The following AKR1D1 variants were observed in gnomAD, a reference collection of about 807,000 sequenced individuals.
AKR1D1 encodes delta(4)-3-ketosteroid 5-beta-reductase.
Under a neutral mutation model 42.6 loss-of-function variants are expected in AKR1D1, and 32 were observed. That is an observed-to-expected ratio of 0.75 (90% CI 0.57 to 1.01). AKR1D1 has a LOEUF of 1.01. Ranked by LOEUF, AKR1D1 falls within the 50% of genes least tolerant of loss-of-function variation. The probability of loss-of-function intolerance (pLI) is 0.00; values close to 1 mark genes in which losing one functional copy is unlikely to be tolerated. For synonymous variants in AKR1D1, 123 were observed against 135.5 expected, an observed-to-expected ratio of 0.91 and a Z score of 0.64; for missense variants, 364 against 402.2, an observed-to-expected ratio of 0.91 and a Z score of 0.81.
chr7:138,087,893 C>CTTTTT (rs757196207), intron 1 of AKR1D1, among the ~76,000 whole-genome samples: 4 of 137,722 alleles, frequency 2.9e-5, no homozygotes, highest in Non-Finnish European at 4.7e-5. Context: ...CATTTCTTTT[C>CTTTTT]TTTTTTTTTT....
intron 1 of AKR1D1, among the ~76,000 whole-genome samples, chr7:138,077,472 A>T (rs1802965906): frequency 6.6e-6 from 1 of 152,156 alleles, no homozygotes; most frequent in African/African-American, 2.4e-5. Flanking sequence ...CTCCCACAAC[A>T]TGTGGGGATA....
At chr7:138,098,061 C>A in intron 4 of AKR1D1, 118 bp downstream of exon 4, 2 of 824,922 alleles carry the variant, frequency 2.4e-6, no homozygotes, top group South Asian at 2.7e-5. Context: ...AAGTAACAGT[C>A]AGAACAGGCA....
At chr7:138,085,418 G>A (rs939586685) in intron 1 of AKR1D1, among the ~76,000 whole-genome samples, 3 of 148,774 alleles carry the variant, frequency 2.0e-5, no homozygotes, top group African/African-American at 7.4e-5. Flanking sequence ...CCTTGCCTTT[G>A]CCACTTTCTT....
chr7:138,114,172 G>C (rs1794588314), intron 8 of AKR1D1, among the ~76,000 whole-genome samples: 1 of 152,244 alleles, frequency 6.6e-6, no homozygotes, highest in Admixed American at 6.5e-5. Flanking sequence ...CTAAGGGAGA[G>C]GCATGATGAT....
chr7:138,106,490 G>A (rs1794435500), intron 5 of AKR1D1, 118 bp from the exon 6 acceptor site: 1 of 764,962 alleles, frequency 1.3e-6, no homozygotes, highest in Admixed American at 2.0e-5. Flanking sequence ...AATGTATATA[G>A]TATGAAGGAG....
At chr7:138,113,120 C>A (rs1431270222) in intron 7 of AKR1D1, among the ~76,000 whole-genome samples, 1 of 152,028 alleles carries the variant, frequency 6.6e-6, no homozygotes, top group Non-Finnish European at 1.5e-5. Context: ...AGTTTGAGAC[C>A]AGCCTGGGCA....
At chr7:138,082,543 T>G (rs1803079985) in intron 1 of AKR1D1, among the ~76,000 whole-genome samples, 3 of 151,978 alleles carry the variant, frequency 2.0e-5, no homozygotes, top group Non-Finnish European at 4.4e-5. Context: ...GGATAATTTT[T>G]TAATTTTTGT....
At position 138,117,407 on chromosome 7, in the gene AKR1D1, T is replaced by C. The variant is rs1794655441; in HGVS notation, c.*745T>C. ...GCCTACATTGATTATAGAACCACTA[T>C]TACGTGAAAAGGCTTGAAACAACCA... On this transcript the variant is annotated 3_prime_UTR_variant, in exon 9 of 9. Transcript: ENST00000242375. The C allele has an allele frequency of 6.6e-6, 1 of 152,584 alleles. No individual in the cohort carries two copies. The highest frequency in any genetic ancestry group is 2.4e-5 in the African/African-American group (1 of 41,446). The allele number at this position is 152,584 out of a possible 1,614,324, so 9.5% of individuals were successfully genotyped here. A position where few individuals can be genotyped will look rare whatever the true frequency, so the allele number is the denominator to read the frequency against.
At chr7:138,102,955 T>C (rs1180607707) in intron 4 of AKR1D1, among the ~76,000 whole-genome samples, 1 of 152,222 alleles carries the variant, frequency 6.6e-6, no homozygotes, top group East Asian at 1.9e-4. Flanking sequence ...TTGTTAAACA[T>C]TTATCAGTAT....
At chr7:138,097,043 C>T (rs1300116493) in intron 3 of AKR1D1, among the ~76,000 whole-genome samples, 1 of 152,164 alleles carries the variant, frequency 6.6e-6, no homozygotes, top group East Asian at 1.9e-4. Context: ...TAGCCCCAAC[C>T]TCAAGAAATG....
In AKR1D1 at chr7:138,103,468, A is replaced by T. The variant is rs555909932; in HGVS notation, c.457-1839A>T. ...AAGTAATAAAGAGTTAAGAAGAAACAGGATAAGTGGGATAAATTGAAATAA... is the reference window on the plus strand; with the variant it reads ...AAGTAATAAAGAGTTAAGAAGAAACTGGATAAGTGGGATAAATTGAAATAA... On this transcript the variant is annotated intron_variant, in intron 4 of 8. Transcript: ENST00000242375. Among the ~76,000 whole-genome samples, 19 of 152,296 alleles carry T rather than the reference A, an allele frequency of 1.2e-4. No homozygotes were observed. In the South Asian group the frequency reaches 3.7e-3, roughly 30 times the overall value.
intron 2 of AKR1D1, 30 bp from the exon 3 acceptor site, chr7:138,091,738 T>C: frequency 6.7e-7 from 1 of 1,483,488 alleles, no homozygotes; most frequent in Non-Finnish European, 9.4e-7. Context: ...GTGTAGACAT[T>C]AGTTAATTCT....
intron 1 of AKR1D1, among the ~76,000 whole-genome samples, chr7:138,086,571 AG>A (rs1562931064): frequency 6.6e-6 from 1 of 152,146 alleles, no homozygotes; most frequent in Non-Finnish European, 1.5e-5. Context: ...CAACTGTAGC[AG>A]GGGGAAAAAA....
At chr7:138,108,303 A>G (rs777944203) in intron 7 of AKR1D1, among the ~76,000 whole-genome samples, 6 of 152,222 alleles carry the variant, frequency 3.9e-5, no homozygotes, top group Non-Finnish European at 7.3e-5. Flanking sequence ...AACCATAGAA[A>G]AGTGCCATAC....
chr7:138,105,027 G>A (rs1427590137), intron 4 of AKR1D1, among the ~76,000 whole-genome samples: 4 of 152,096 alleles, frequency 2.6e-5, no homozygotes, highest in Non-Finnish European at 5.9e-5. Context: ...CCAAAGTGCT[G>A]GGATTACAGG....
chr7:138,082,560 T>G (rs1292324459), intron 1 of AKR1D1, among the ~76,000 whole-genome samples: 1 of 151,908 alleles, frequency 6.6e-6, no homozygotes, highest in African/African-American at 2.4e-5. Flanking sequence ...TTGTTTTTAT[T>G]TTACTATTTT....
At chr7:138,078,386 A>T (rs1257273673) in intron 1 of AKR1D1, among the ~76,000 whole-genome samples, 1 of 152,242 alleles carries the variant, frequency 6.6e-6, no homozygotes, top group African/African-American at 2.4e-5. Context: ...AATGGAAGGC[A>T]GATGAGGAGA....
At chr7:138,086,542 T>C (rs2117423155) in intron 1 of AKR1D1, among the ~76,000 whole-genome samples, 1 of 152,338 alleles carries the variant, frequency 6.6e-6, no homozygotes, top group African/African-American at 2.4e-5. Flanking sequence ...CCTCTTATCT[T>C]CTCTATAGTG....
intron 1 of AKR1D1, among the ~76,000 whole-genome samples, chr7:138,078,811 A>C (rs1401892687): frequency 1.3e-5 from 2 of 152,172 alleles, no homozygotes; most frequent in Non-Finnish European, 2.9e-5. Context: ...CTGTAGTTGC[A>C]GCAAGTTTTC....
Sources: allele counts gnomAD v4.1 joint callset (sites outside exome capture counted in the v4.1 genomes callset), GRCh38; gene constraint gnomAD v4.1.1; transcripts MANE v1.5; gene names NCBI Gene and HGNC (gene_info 2026-07-23, HGNC 2026-07-21).